Variants in RNF150 observed in about 807,000 individuals in gnomAD.
RNF150 encodes the protein ring finger protein 150.
A neutral mutation model predicts 39.3 loss-of-function variants in RNF150; 24 were observed. The observed-to-expected ratio is 0.61, with a 90% confidence interval of 0.44 to 0.86. The LOEUF (loss-of-function observed/expected upper bound fraction) is 0.86. Among genes scored for constraint, RNF150 ranks in the 40% least tolerant of loss-of-function variants. RNF150 has a pLI of 0.00. For synonymous variants in RNF150, 255 were observed against 227.3 expected, an observed-to-expected ratio of 1.12 and a Z score of -1.10; for missense variants, 502 against 587.8, an observed-to-expected ratio of 0.85 and a Z score of 1.51.
chr4:141,024,944 T>G (rs987760227), intron 1 of RNF150, among the ~76,000 whole-genome samples: 16 of 152,288 alleles, frequency 1.1e-4, no homozygotes, highest in Admixed American at 8.5e-4. Context: ...GGTTAATGTA[T>G]AACATCTCAA....
intron 4 of RNF150, among the ~76,000 whole-genome samples, chr4:140,945,915 T>A (rs888746100): frequency 6.6e-6 from 1 of 152,112 alleles, no homozygotes; most frequent in Non-Finnish European, 1.5e-5. Context: ...AGAGGCTTTA[T>A]AAAACCTTTA....
intron 5 of RNF150, among the ~76,000 whole-genome samples, chr4:140,922,407 T>C (rs1458767537): frequency 6.7e-6 from 1 of 149,028 alleles, no homozygotes; most frequent in South Asian, 2.2e-4. Flanking sequence ...GAATCCAACT[T>C]ATACGGGACG....
intron 1 of RNF150, among the ~76,000 whole-genome samples, chr4:141,188,598 G>A (rs1481725628): frequency 6.6e-6 from 1 of 151,722 alleles, no homozygotes; most frequent in Non-Finnish European, 1.5e-5. Context: ...TCATTAAGTT[G>A]ATCTTCGATC....
intron 6 of RNF150, among the ~76,000 whole-genome samples, chr4:140,880,257 G>A (rs1047319370): frequency 6.6e-6 from 1 of 152,086 alleles, no homozygotes; most frequent in East Asian, 1.9e-4. Context: ...AGATAATCAT[G>A]TGATTTTCAT....
chr4:141,047,090 C>A lies in RNF150; in HGVS notation c.485-79217G>T, dbSNP rs532904405. On this transcript the variant is annotated intron_variant, in intron 1 of 6. Coordinates refer to ENST00000515673, the MANE Select transcript of RNF150 (RefSeq NM_020724.2). Reference sequence around the variant, plus strand: ...CCTCAACTAGTTCACATCTAAAAATCAGGACTAATGCCAATCAGGACTAAT... The same window carrying A: ...CCTCAACTAGTTCACATCTAAAAATAAGGACTAATGCCAATCAGGACTAAT... 3.3e-5 allele frequency among the ~76,000 whole-genome samples: 5 copies of A among 152,156 alleles called. No homozygotes were observed. The East Asian group carries it at 9.7e-4, about 29-fold the overall frequency.
At chr4:141,145,293 T>C (rs976463646) in intron 1 of RNF150, among the ~76,000 whole-genome samples, 5 of 152,106 alleles carry the variant, frequency 3.3e-5, no homozygotes, top group Non-Finnish European at 7.4e-5. Context: ...CATTGACCTA[T>C]GAAGAAATAA....
chr4:141,111,123 A>G (rs752659244), intron 1 of RNF150, among the ~76,000 whole-genome samples: 1 of 152,176 alleles, frequency 6.6e-6, no homozygotes, highest in South Asian at 2.1e-4. Context: ...AATTATCAGG[A>G]CAAAAATGTC....
At chr4:141,018,843 G>A (rs982584764) in intron 1 of RNF150, among the ~76,000 whole-genome samples, 12 of 151,960 alleles carry the variant, frequency 7.9e-5, no homozygotes, top group African/African-American at 2.7e-4. Context: ...AGGTAAAATT[G>A]CCACTAAAAC....
intron 1 of RNF150, among the ~76,000 whole-genome samples, chr4:140,987,791 G>T (rs1734062247): frequency 6.6e-6 from 1 of 152,140 alleles, no homozygotes; most frequent in Non-Finnish European, 1.5e-5. Flanking sequence ...CTTTGGTACA[G>T]CAAAAGAAAT....
chr4:141,196,082 A>C (rs1298588596), intron 1 of RNF150, among the ~76,000 whole-genome samples: 1 of 151,930 alleles, frequency 6.6e-6, no homozygotes, highest in South Asian at 2.1e-4. Flanking sequence ...TGGTGAAGAA[A>C]CCCCAAGAAA....
At chr4:141,109,057 T>A (rs1013654066) in intron 1 of RNF150, among the ~76,000 whole-genome samples, 2 of 152,216 alleles carry the variant, frequency 1.3e-5, no homozygotes, top group African/African-American at 4.8e-5. Context: ...ATAATCCATG[T>A]TAACGCTCAG....
intron 1 of RNF150, among the ~76,000 whole-genome samples, chr4:141,020,102 A>ATT (rs58005040): frequency 2.2e-4 from 33 of 149,412 alleles, no homozygotes; most frequent in Admixed American, 6.0e-4. Context: ...TTGGTTTGAT[A>ATT]TTTTTTTTTT....
chr4:140,959,616 C>G (rs13127505), intron 2 of RNF150, among the ~76,000 whole-genome samples: 3 of 152,016 alleles, frequency 2.0e-5, no homozygotes, highest in African/African-American at 7.2e-5. Flanking sequence ...AAACAAGCAT[C>G]GCGAGTGAAG....
At chr4:141,082,658 G>A (rs1024483162) in intron 1 of RNF150, among the ~76,000 whole-genome samples, 8 of 149,330 alleles carry the variant, frequency 5.4e-5, no homozygotes, top group East Asian at 2.0e-4. Flanking sequence ...GCGGGATCTC[G>A]GCTCACTGCA....
intron 1 of RNF150, among the ~76,000 whole-genome samples, chr4:141,012,781 CAA>C (rs397995597): frequency 9.8e-5 from 7 of 71,434 alleles, no homozygotes; most frequent in Middle Eastern, 9.3e-3. Flanking sequence ...GACTCTGTCT[CAA>C]AAAAAAAAAA....
chr4:140,977,429 T>C lies in RNF150; in HGVS notation c.485-9556A>G, dbSNP rs144628951. Among the ~76,000 whole-genome samples the C allele has an allele frequency of 1.3e-3, 194 of 152,158 alleles. 1 individual carries two copies. Among genetic ancestry groups the C allele is most frequent in the African/African-American group, 4.5e-3 (189 of 41,544 alleles). ...GGTTGTGAGAGTCACTTTCAATCCA[T>C]GAGACGAAAATTCCAAGAAGAGAGC... On this transcript the variant is annotated intron_variant, in intron 1 of 6. Transcript: ENST00000515673.
chr4:141,194,021 C>T (rs1728158109), intron 1 of RNF150, among the ~76,000 whole-genome samples: 2 of 152,206 alleles, frequency 1.3e-5, no homozygotes, highest in Non-Finnish European at 2.9e-5. Context: ...CTCATATGCA[C>T]ATGGTTTTAT....
intron 5 of RNF150, among the ~76,000 whole-genome samples, chr4:140,913,056 G>A (rs938723538): frequency 5.9e-5 from 9 of 151,716 alleles, no homozygotes; most frequent in African/African-American, 7.3e-5. Context: ...GGCAGATCAC[G>A]AAGTCAGGTG....
At chr4:141,130,726 A>G (rs933639983) in intron 1 of RNF150, among the ~76,000 whole-genome samples, 1 of 152,110 alleles carries the variant, frequency 6.6e-6, no homozygotes, top group Non-Finnish European at 1.5e-5. Context: ...AGCTTCCTTC[A>G]CCCCTCCTCC....
Sources: gnomAD v4.1 joint callset for allele counts (sites outside exome capture counted in the v4.1 genomes callset) on GRCh38, gnomAD v4.1.1 for gene constraint, MANE v1.5 for transcripts, NCBI Gene and HGNC (gene_info 2026-07-23, HGNC 2026-07-21) for gene names.